The following NTN4 variants were observed in gnomAD, a reference collection of about 807,000 sequenced individuals.
NTN4 encodes the protein netrin-4.
A neutral mutation model predicts 73.6 loss-of-function variants in NTN4; 32 were observed. The ratio of observed to expected loss-of-function variants is 0.44; its 90% CI spans 0.33 to 0.58. The LOEUF is 0.58. Among genes scored for constraint, NTN4 ranks in the 20% least tolerant of loss-of-function variants. NTN4 has a pLI of 0.04. For synonymous variants in NTN4, 258 were observed against 287.5 expected, an observed-to-expected ratio of 0.90 and a Z score of 1.04; for missense variants, 654 against 798.3, an observed-to-expected ratio of 0.82 and a Z score of 2.18.
intron 3 of NTN4, among the ~76,000 whole-genome samples, chr12:95,717,372 G>T (rs2078614305): frequency 1.3e-5 from 2 of 152,276 alleles, no homozygotes; most frequent in South Asian, 4.1e-4. Flanking sequence ...TGTTGGACAA[G>T]TCAATTCCCT....
intron 5 of NTN4, among the ~76,000 whole-genome samples, chr12:95,690,875 T>C (rs2078396706): frequency 6.6e-6 from 1 of 152,220 alleles, no homozygotes; most frequent in Non-Finnish European, 1.5e-5. Flanking sequence ...TTTCCTCTAA[T>C]AGAAAATTCA....
At chr12:95,761,331 T>TC in intron 2 of NTN4, among the ~76,000 whole-genome samples, 1 of 145,578 alleles carries the variant, frequency 6.9e-6, no homozygotes. Flanking sequence ...ATATTCTTTT[T>TC]TTTTTTTTTC....
At chr12:95,761,559 C>A (rs182078367) in intron 2 of NTN4, among the ~76,000 whole-genome samples, 4 of 152,208 alleles carry the variant, frequency 2.6e-5, no homozygotes, top group Admixed American at 2.6e-4. Flanking sequence ...TCTCGAACTC[C>A]TGACCTGAAG....
intron 3 of NTN4, among the ~76,000 whole-genome samples, chr12:95,723,437 A>T (rs920424613): frequency 2.6e-5 from 4 of 152,190 alleles, no homozygotes; most frequent in Non-Finnish European, 2.9e-5. Flanking sequence ...TAGAAATGCA[A>T]ATCAGTTGTG....
rs1454896864 is a variant in NTN4, at chr12:95,725,006, A to AGGATT, written c.865-11669_865-11668insAATCC. Among the ~76,000 whole-genome samples the AGGATT allele has an allele frequency of 1.3e-4, 18 of 135,846 alleles. 2 individuals are homozygous for AGGATT. The highest frequency in any genetic ancestry group is 4.7e-4 in the South Asian group (2 of 4,250). 89.1% of individuals were successfully genotyped at this position (135,846 alleles called of 152,430 possible). On this transcript the variant is annotated intron_variant, in intron 3 of 9. Coordinates refer to ENST00000343702, the MANE Select transcript of NTN4 (RefSeq NM_021229.4). ...ATCTTAGAACAGTGATGTCATCAGG[A>AGGATT]TTTTTTTTTTTTTTTTGCTTCCCAC...
chr12:95,708,769 T>C (rs1279442573), intron 5 of NTN4, among the ~76,000 whole-genome samples: 1 of 152,182 alleles, frequency 6.6e-6, no homozygotes, highest in East Asian at 1.9e-4. Context: ...TTTTATCTTA[T>C]ATACACACTT....
At chr12:95,775,264 A>G (rs1397570937) in intron 2 of NTN4, among the ~76,000 whole-genome samples, 3 of 152,230 alleles carry the variant, frequency 2.0e-5, no homozygotes, top group Non-Finnish European at 4.4e-5. Context: ...GTGACACAGA[A>G]GACGGGTGAT....
At chr12:95,666,579 G>C (rs1045007168) in intron 8 of NTN4, among the ~76,000 whole-genome samples, 1 of 151,998 alleles carries the variant, frequency 6.6e-6, no homozygotes, top group Non-Finnish European at 1.5e-5. Flanking sequence ...TCAACCATTT[G>C]CCTATTGCAA....
intron 3 of NTN4, among the ~76,000 whole-genome samples, chr12:95,719,664 AG>A (rs1294648362): frequency 6.6e-6 from 1 of 152,264 alleles, no homozygotes; most frequent in Non-Finnish European, 1.5e-5. Context: ...ACCTTTGAAT[AG>A]AAAGCATTGT....
At chr12:95,766,489 A>G (rs954436606) in intron 2 of NTN4, among the ~76,000 whole-genome samples, 1 of 152,182 alleles carries the variant, frequency 6.6e-6, no homozygotes, top group African/African-American at 2.4e-5. Flanking sequence ...TTTGGATACA[A>G]CAAGTTTTTT....
At chr12:95,693,735 G>GAAA (rs11327868) in intron 5 of NTN4, among the ~76,000 whole-genome samples, 1 of 118,184 alleles carries the variant, frequency 8.5e-6, no homozygotes, top group Non-Finnish European at 1.7e-5. Context: ...TGTCTCAATT[G>GAAA]AAAAAAAAAA....
At chr12:95,783,473 T>C (rs1328322413) in intron 2 of NTN4, among the ~76,000 whole-genome samples, 2 of 152,236 alleles carry the variant, frequency 1.3e-5, no homozygotes, top group Non-Finnish European at 2.9e-5. Flanking sequence ...AGAAAACTGT[T>C]TGGCAAATTC....
chr12:95,686,279 G>T lies in NTN4; in HGVS notation c.1181-2568C>A, dbSNP rs376513816. ...CTTATAGTCTTGTGGGGGAAACAGAGAAGTAAATAAAAGATTTCCATACAT... is the reference window on the plus strand; with the variant it reads ...CTTATAGTCTTGTGGGGGAAACAGATAAGTAAATAAAAGATTTCCATACAT... On this transcript the variant is annotated intron_variant, in intron 5 of 9. Coordinates refer to ENST00000343702, the MANE Select transcript of NTN4 (RefSeq NM_021229.4). Among the ~76,000 whole-genome samples the T allele has an allele frequency of 2.6e-5, 4 of 152,156 alleles. 1 individual carries two copies. The highest frequency in any genetic ancestry group is 9.7e-5 in the African/African-American group (4 of 41,434).
chr12:95,669,022 G>T (rs904626725), intron 8 of NTN4, among the ~76,000 whole-genome samples: 1 of 152,140 alleles, frequency 6.6e-6, no homozygotes, highest in Non-Finnish European at 1.5e-5. Flanking sequence ...TACCTGGGAG[G>T]CTGAGGCAGG....
intron 2 of NTN4, among the ~76,000 whole-genome samples, chr12:95,743,582 T>C (rs1424316979): frequency 3.9e-5 from 6 of 152,206 alleles, no homozygotes; most frequent in Non-Finnish European, 5.9e-5. Context: ...TGATTTCCTT[T>C]TGATTTCTTC....
At chr12:95,738,716 C>T (rs2078800808) in intron 2 of NTN4, among the ~76,000 whole-genome samples, 2 of 152,026 alleles carry the variant, frequency 1.3e-5, no homozygotes, top group African/African-American at 4.8e-5. Flanking sequence ...AAAGTATCAC[C>T]TTAGAGATCA....
chr12:95,784,218 T>TA (rs2079151362), intron 2 of NTN4, among the ~76,000 whole-genome samples: 1 of 152,136 alleles, frequency 6.6e-6, no homozygotes, highest in Admixed American at 6.6e-5. Context: ...GCGAAATAAA[T>TA]TTGTAGTACT....
chr12:95,759,083 A>G (rs1465002196), intron 2 of NTN4, among the ~76,000 whole-genome samples: 1 of 152,186 alleles, frequency 6.6e-6, no homozygotes, highest in Non-Finnish European at 1.5e-5. Flanking sequence ...CCCTTCACAT[A>G]TGAATGTCTA....
At chr12:95,771,082 C>T (rs985435397) in intron 2 of NTN4, among the ~76,000 whole-genome samples, 3 of 150,710 alleles carry the variant, frequency 2.0e-5, no homozygotes, top group African/African-American at 2.5e-5. Flanking sequence ...CTCCGCCTCC[C>T]GGGTTCACGC....
Sources: gnomAD v4.1 joint callset for allele counts (sites outside exome capture counted in the v4.1 genomes callset) on GRCh38, gnomAD v4.1.1 for gene constraint, MANE v1.5 for transcripts, NCBI Gene and HGNC (gene_info 2026-07-23, HGNC 2026-07-21) for gene names.